Variants in CSMD1 observed in about 807,000 individuals in gnomAD.
CSMD1 encodes CUB and sushi domain-containing protein 1.
In CSMD1, 213 loss-of-function variants were observed where a neutral mutation model predicts 417.5. The observed-to-expected ratio is 0.51, with a 90% CI of 0.46 to 0.57. The LOEUF (loss-of-function observed/expected upper bound fraction) is 0.57. Ranked by LOEUF, CSMD1 falls within the 20% of genes least tolerant of loss-of-function variation. The pLI is 0.00. For missense variants in CSMD1, 6,923 were observed against 4,529.7 expected (o/e 1.53, Z -15.17); for synonymous variants, 2,862 against 1,736.8 (o/e 1.65, Z -16.11).
chr8:4,823,089 G>A (rs921399817), intron 1 of CSMD1, among the ~76,000 whole-genome samples: 6 of 152,054 alleles, frequency 3.9e-5, no homozygotes, highest in Non-Finnish European at 7.4e-5. Context: ...TTTAAGTGAT[G>A]TCTTGATACA....
chr8:4,454,073 C>T (rs1353375698), intron 2 of CSMD1, among the ~76,000 whole-genome samples: 2 of 152,198 alleles, frequency 1.3e-5, no homozygotes, highest in Middle Eastern at 3.4e-3. Flanking sequence ...CCGCCCGCCT[C>T]GGCCTCCCTA....
chr8:4,340,384 C>A (rs73660755), intron 3 of CSMD1, among the ~76,000 whole-genome samples: 2 of 152,054 alleles, frequency 1.3e-5, no homozygotes, highest in African/African-American at 4.8e-5. Context: ...GAAAATAACA[C>A]TCTTGACATG....
chr8:3,497,447 C>G (rs564430907), intron 10 of CSMD1, among the ~76,000 whole-genome samples: 10 of 152,112 alleles, frequency 6.6e-5, no homozygotes, highest in Non-Finnish European at 1.5e-4. Flanking sequence ...TGCTCTGTCA[C>G]CCAGGCTGGA....
intron 17 of CSMD1, among the ~76,000 whole-genome samples, chr8:3,393,657 C>A (rs1811483023): frequency 6.6e-6 from 1 of 151,826 alleles, no homozygotes; most frequent in Admixed American, 6.6e-5. Context: ...TAGTATGCAA[C>A]CATAAAAATT....
intron 8 of CSMD1, among the ~76,000 whole-genome samples, chr8:3,605,923 G>C (rs2469346): frequency 0.72 from 109,549 of 152,048 alleles, 40,113 homozygotes; most frequent in Non-Finnish European, 0.79. Flanking sequence ...TATCCCTAGA[G>C]ACTGGCTTGT....
At chr8:3,824,644 A>C (rs1313604714) in intron 5 of CSMD1, among the ~76,000 whole-genome samples, 1 of 152,192 alleles carries the variant, frequency 6.6e-6, no homozygotes, top group Non-Finnish European at 1.5e-5. Flanking sequence ...TTACATGCTG[A>C]AATAGCATTT....
chr8:3,397,822 C>T (rs1005694682), intron 16 of CSMD1, among the ~76,000 whole-genome samples: 1 of 152,146 alleles, frequency 6.6e-6, no homozygotes, highest in South Asian at 2.1e-4. Flanking sequence ...TGCTGTTGGG[C>T]AGCCTAACAC....
At chr8:4,778,685 T>C (rs1428549335) in intron 1 of CSMD1, among the ~76,000 whole-genome samples, 3 of 152,220 alleles carry the variant, frequency 2.0e-5, no homozygotes, top group Non-Finnish European at 4.4e-5. Flanking sequence ...TGAGTAGCAC[T>C]GTCCAATCAG....
At chr8:4,823,425 T>G (rs533318736) in intron 1 of CSMD1, among the ~76,000 whole-genome samples, 1 of 152,188 alleles carries the variant, frequency 6.6e-6, no homozygotes, top group East Asian at 1.9e-4. Context: ...TTCAGCTACA[T>G]AACCTTAGTT....
At chr8:3,648,808 C>T (rs957212705) in intron 7 of CSMD1, among the ~76,000 whole-genome samples, 1 of 152,156 alleles carries the variant, frequency 6.6e-6, no homozygotes, top group African/African-American at 2.4e-5. Flanking sequence ...CGGCACCCCT[C>T]TCAGAACATG....
In CSMD1 at chr8:4,180,140, C is replaced by T. The variant is rs529827437; in HGVS notation, c.416-148041G>A. Among the ~76,000 whole-genome samples the T allele has an allele frequency of 8.5e-5, 13 of 152,180 alleles. No homozygotes were observed. The South Asian group carries it at 1.0e-3, about 12-fold the overall frequency. On this transcript the variant is annotated intron_variant, in intron 3 of 69. Transcript: ENST00000635120. ...GACACATTCACACATATGTTTACTG[C>T]GGCACTATTCACGACAGCAAAGACT...
intron 5 of CSMD1, among the ~76,000 whole-genome samples, chr8:3,893,475 C>G (rs1226023580): frequency 6.6e-6 from 1 of 150,634 alleles, no homozygotes; most frequent in Non-Finnish European, 1.5e-5. Flanking sequence ...AAGGATAAAG[C>G]AAAAGCAAAA....
chr8:3,758,475 T>C (rs754341062), intron 5 of CSMD1, among the ~76,000 whole-genome samples: 3 of 152,188 alleles, frequency 2.0e-5, no homozygotes, highest in Non-Finnish European at 2.9e-5. Context: ...GACCTGGCCT[T>C]AGAACTGTGT....
At chr8:3,332,647 AT>A (rs1563281297) in intron 23 of CSMD1, among the ~76,000 whole-genome samples, 1 of 152,210 alleles carries the variant, frequency 6.6e-6, no homozygotes, top group Non-Finnish European at 1.5e-5. Context: ...TATATACTTT[AT>A]GTCTTCAAGT....
intron 26 of CSMD1, among the ~76,000 whole-genome samples, chr8:3,248,159 G>T (rs73185567): frequency 1.4e-4 from 22 of 152,068 alleles, no homozygotes; most frequent in African/African-American, 3.6e-4. Flanking sequence ...GAGATGTAGC[G>T]GTGTGACAAA....
intron 3 of CSMD1, among the ~76,000 whole-genome samples, chr8:4,109,159 A>T (rs1801723381): frequency 6.6e-6 from 1 of 152,298 alleles, no homozygotes; most frequent in African/African-American, 2.4e-5. Flanking sequence ...CTATGTAAAT[A>T]GTGTTATGCT....
intron 1 of CSMD1, among the ~76,000 whole-genome samples, chr8:4,945,855 T>G (rs1238085802): frequency 6.6e-6 from 1 of 152,136 alleles, no homozygotes; most frequent in Non-Finnish European, 1.5e-5. Flanking sequence ...CCACTGAAAC[T>G]AGCAGGATTT....
intron 2 of CSMD1, among the ~76,000 whole-genome samples, chr8:4,602,428 T>C (rs1800640116): frequency 6.6e-6 from 1 of 152,146 alleles, no homozygotes. Context: ...GAACATGTTG[T>C]TGAAATATTT....
chr8:3,582,988 T>C (rs1260921522), intron 9 of CSMD1, among the ~76,000 whole-genome samples: 1 of 152,172 alleles, frequency 6.6e-6, no homozygotes, highest in Non-Finnish European at 1.5e-5. Flanking sequence ...AAGGAGATTA[T>C]TTTGTCTGGC....
Sources: allele counts gnomAD v4.1 joint callset (sites outside exome capture counted in the v4.1 genomes callset), GRCh38; gene constraint gnomAD v4.1.1; transcripts MANE v1.5; gene names NCBI Gene and HGNC (gene_info 2026-07-23, HGNC 2026-07-21).